MRTFB: variants seen among roughly 807,000 people sequenced by gnomAD.
MRTFB encodes myocardin-related transcription factor B.
MRTFB carries 29 observed loss-of-function variants against 104.2 expected under a neutral mutation model. The ratio of observed to expected loss-of-function variants is 0.28; its 90% confidence interval spans 0.21 to 0.38. The LOEUF is 0.38. Among genes scored for constraint, MRTFB ranks in the 10% least tolerant of loss-of-function variants. The pLI, the probability that MRTFB is intolerant of heterozygous loss-of-function variation, is 1.00. For synonymous variants in MRTFB, 535 were observed against 519.5 expected (o/e 1.03, Z -0.41); for missense variants, 1,270 against 1,341.6 (o/e 0.95, Z 0.83).
At chr16:14,258,508 T>C (rs868135078) in intron 16 of MRTFB, among the ~76,000 whole-genome samples, 6 of 152,148 alleles carry the variant, frequency 3.9e-5, no homozygotes, top group African/African-American at 7.2e-5. Context: ...GGTAGGAAGA[T>C]TGCTTGAGCC....
At chr16:14,072,041 G>GTGC (rs1202475587) in intron 1 of MRTFB, among the ~76,000 whole-genome samples, 3 of 152,214 alleles carry the variant, frequency 2.0e-5, no homozygotes, top group African/African-American at 7.2e-5. Flanking sequence ...CAGCGGGCGT[G>GTGC]TGCTGGTAGT....
At chr16:14,205,167 T>A (rs2040885253) in intron 3 of MRTFB, among the ~76,000 whole-genome samples, 1 of 152,232 alleles carries the variant, frequency 6.6e-6, no homozygotes, top group South Asian at 2.1e-4. Context: ...GATGATGATA[T>A]TATCGGTGAT....
intron 10 of MRTFB, among the ~76,000 whole-genome samples, chr16:14,243,411 C>T (rs1191293799): frequency 1.3e-5 from 2 of 152,214 alleles, no homozygotes; most frequent in Non-Finnish European, 2.9e-5. Flanking sequence ...ACCTCAAATC[C>T]CTGTTTCAGA....
intron 5 of MRTFB, among the ~76,000 whole-genome samples, chr16:14,213,190 T>C (rs1018132004): frequency 6.6e-6 from 1 of 152,168 alleles, no homozygotes; most frequent in East Asian, 1.9e-4. Context: ...GTTATCTAGG[T>C]GGATTTTTAC....
At chr16:14,200,728 A>G (rs1332284915) in intron 3 of MRTFB, 2 of 1,518,642 alleles carry the variant, frequency 1.3e-6, no homozygotes. Context: ...CTGAATCAGG[A>G]ATCTTTTGGT....
At chr16:14,039,406 G>T in the MRTFB span, among the ~76,000 whole-genome samples, 2 of 152,158 alleles carry the variant, frequency 1.3e-5, no homozygotes, top group African/African-American at 4.8e-5. Context: ...ACTGTGGAAT[G>T]AATAGAGCAC....
chr16:14,133,072 A>C (rs144665322), intron 2 of MRTFB, among the ~76,000 whole-genome samples: 26 of 152,372 alleles, frequency 1.7e-4, no homozygotes, highest in African/African-American at 5.5e-4. Flanking sequence ...ATTGGGTTAA[A>C]TTGTAAAATA....
intron 8 of MRTFB, among the ~76,000 whole-genome samples, chr16:14,227,239 G>C (rs906050984): frequency 6.6e-6 from 1 of 151,630 alleles, no homozygotes; most frequent in Non-Finnish European, 1.5e-5. Context: ...AGAGATAAGT[G>C]AATTCTCACT....
intron 2 of MRTFB, among the ~76,000 whole-genome samples, chr16:14,081,710 G>A (rs1051139234): frequency 4.6e-5 from 7 of 152,086 alleles, no homozygotes; most frequent in Admixed American, 1.3e-4. Flanking sequence ...CTCCCTAGTA[G>A]CTGGGACCAC....
intron 11 of MRTFB, among the ~76,000 whole-genome samples, chr16:14,246,143 G>C (rs1263616263): frequency 6.6e-6 from 1 of 152,198 alleles, no homozygotes; most frequent in Non-Finnish European, 1.5e-5. Context: ...TGAGTGGAAA[G>C]AGTAGAGCAT....
chr16:14,124,727 T>G (rs1367821072), intron 2 of MRTFB, among the ~76,000 whole-genome samples: 1 of 152,212 alleles, frequency 6.6e-6, no homozygotes, highest in East Asian at 1.9e-4. Context: ...ATTTTCTTTT[T>G]TTGTTGTGTC....
At chr16:14,111,665 A>G (rs1489508945) in intron 2 of MRTFB, among the ~76,000 whole-genome samples, 1 of 152,164 alleles carries the variant, frequency 6.6e-6, no homozygotes, top group Non-Finnish European at 1.5e-5. Context: ...CTTCTAACCT[A>G]TATGAAGAGG....
chr16:14,191,858 C>T (rs2040199115), intron 3 of MRTFB: 1 of 152,062 alleles, frequency 6.6e-6, no homozygotes, highest in South Asian at 2.1e-4. Context: ...TGATTTTTAT[C>T]ATCTGCCACT....
At chr16:14,150,805 T>A (rs2142774720) in intron 3 of MRTFB, 1 of 152,294 alleles carries the variant, frequency 6.6e-6, no homozygotes, top group South Asian at 2.1e-4. Flanking sequence ...CAGTTGCAGA[T>A]CTCAATCTAT....
At chr16:14,123,468 G>A (rs1261255750) in intron 2 of MRTFB, among the ~76,000 whole-genome samples, 1 of 152,158 alleles carries the variant, frequency 6.6e-6, no homozygotes, top group Non-Finnish European at 1.5e-5. Flanking sequence ...TAAGATGTAA[G>A]GAAGGGGCCC....
rs1249326706 is a variant in MRTFB, at chr16:14,217,840, A to G, written c.514+553A>G. ...GTTCAGTGTTAGTTCAGGAAGGTGA[A>G]GAGCAGATGAGTACAGAATGGTAGT... On this transcript the variant is annotated intron_variant, in intron 7 of 16. Transcript: ENST00000571589. Among the ~76,000 whole-genome samples the G allele has an allele frequency of 2.0e-5, 3 of 152,222 alleles. No individual in the cohort carries two copies. The South Asian group carries it at 6.2e-4, about 31-fold the overall frequency.
At chr16:14,050,071 G>A in the MRTFB span, among the ~76,000 whole-genome samples, 1 of 152,132 alleles carries the variant, frequency 6.6e-6, no homozygotes, top group African/African-American at 2.4e-5. Flanking sequence ...TGATTCTCAA[G>A]TGCTTTTTAA....
At chr16:14,122,071 ATGCAG>A (rs1411633601) in intron 2 of MRTFB, among the ~76,000 whole-genome samples, 1 of 151,908 alleles carries the variant, frequency 6.6e-6, no homozygotes, top group Non-Finnish European at 1.5e-5. Flanking sequence ...TTTCTTTGGC[ATGCAG>A]CCTGCCAGGC....
In MRTFB at chr16:14,247,470, C is replaced by G; in HGVS notation, c.2210C>G (p.Thr737Ser). ...LPVSIQGSSVTSVQLPVGSLK... is the reference protein window; with the variant it reads ...LPVSIQGSSVSSVQLPVGSLK... ...GTGTCCATCCAGGGCTCGAGTGTCA[C>G]CTCAGTGCAACTCCCTGTAGGCAGC... The change falls in exon 12 of 17, where the codon ACC becomes AGC. Residue 737 changes from threonine (T) to serine (S), a missense_variant. Transcript: ENST00000571589. The G allele has an allele frequency of 6.3e-7, 1 of 1,583,138 alleles. No homozygotes were observed.
Sources: gnomAD v4.1 joint callset for allele counts (sites outside exome capture counted in the v4.1 genomes callset) on GRCh38, gnomAD v4.1.1 for gene constraint, MANE v1.5 for transcripts, NCBI Gene and HGNC (gene_info 2026-07-23, HGNC 2026-07-21) for gene names.